Variants in ACVR2B observed in about 807,000 individuals in gnomAD.
ACVR2B encodes the protein activin receptor type-2B.
In ACVR2B, 18 loss-of-function variants were observed where a neutral mutation model predicts 65.1. The ratio of observed to expected loss-of-function variants is 0.28; its 90% CI spans 0.19 to 0.41. ACVR2B has a LOEUF of 0.41. ACVR2B is among the 10% of genes least tolerant of loss of function. The pLI is 1.00. For synonymous variants in ACVR2B, 298 were observed against 277.7 expected, an observed-to-expected ratio of 1.07 and a Z score of -0.73; for missense variants, 482 against 682.7, an observed-to-expected ratio of 0.71 and a Z score of 3.28.
At position 38,478,283 on chromosome 3, in the gene ACVR2B, C is replaced by T; in HGVS notation, c.513C>T (p.Asp171=). 1 of 1,614,118 alleles carries T rather than the reference C, an allele frequency of 6.2e-7. No individual in the cohort carries two copies. The highest frequency in any genetic ancestry group is 1.1e-5 in the South Asian group (1 of 91,066). The change falls in exon 4 of 11, where the codon GAC becomes GAT. Residue 171 remains aspartate (D), a synonymous_variant. Transcript: ENST00000352511. Reference sequence around the variant, plus strand: ...GCAAGCCCCCCTACGGTCATGTGGACATCCATGAGGTGAGACAGTGCTGGC... The same window carrying T: ...GCAAGCCCCCCTACGGTCATGTGGATATCCATGAGGTGAGACAGTGCTGGC... ...RHRKPPYGHV[D]IHEDPGPPPP... is the part of the protein sequence containing the mutation.
chr3:38,459,536 C>G (rs1304157743), intron 1 of ACVR2B: 1 of 970,100 alleles, frequency 1.0e-6, no homozygotes, highest in East Asian at 1.1e-4. Flanking sequence ...CTAGCCCTGT[C>G]TGCCAAGCGG....
chr3:38,467,901 A>C (rs1709759204), intron 1 of ACVR2B, among the ~76,000 whole-genome samples: 1 of 151,898 alleles, frequency 6.6e-6, no homozygotes, highest in Non-Finnish European at 1.5e-5. Flanking sequence ...TTTTTAAGAC[A>C]GGGTCTTGCT....
intron 1 of ACVR2B, among the ~76,000 whole-genome samples, chr3:38,457,004 A>C (rs997566968): frequency 2.0e-5 from 3 of 152,182 alleles, no homozygotes; most frequent in African/African-American, 7.2e-5. Context: ...CAAGAGATCG[A>C]GACCATCCTG....
intron 1 of ACVR2B, chr3:38,454,623 C>T (rs2125710515): frequency 3.0e-6 from 1 of 331,406 alleles, no homozygotes; most frequent in Non-Finnish European, 5.4e-6. Flanking sequence ...CGATGGGGGC[C>T]GGGACGCGGA....
Position 38,481,601 on chromosome 3 carries a change from C to T in ACVR2B, c.1074+136C>T. 8.1e-6 allele frequency: 6 copies of T among 744,794 alleles called. No homozygotes were observed. The highest frequency in any genetic ancestry group is 7.4e-5 in the South Asian group (5 of 67,404). The allele number at this position is 744,794 out of a possible 1,614,324, so 46.1% of individuals were successfully genotyped here. On this transcript the variant is annotated intron_variant, in intron 8 of 10. Transcript: ENST00000352511. The surrounding 1 kb of genome is among the most constrained non-coding windows in gnomAD (Gnocchi z 4.7). ...AGCTGTCTGAGAACTTAGAGCAATG[C>T]TCTTGTTTGACCAGTGGAGAAACCA...
chr3:38,466,495 A>C (rs1709730073), intron 1 of ACVR2B, among the ~76,000 whole-genome samples: 1 of 147,428 alleles, frequency 6.8e-6, no homozygotes, highest in South Asian at 2.2e-4. Flanking sequence ...GTCAATTTTT[A>C]AACCAAAACT....
Position 38,489,615 on chromosome 3 carries a change from C to G in ACVR2B, c.*6283C>G, listed in dbSNP as rs1214518271. The G allele has an allele frequency of 6.6e-6, 1 of 152,586 alleles. No individual in the cohort carries two copies. The highest frequency in any genetic ancestry group is 6.5e-5 in the Admixed American group (1 of 15,274). The allele number at this position is 152,586 out of a possible 1,614,324, so 9.5% of individuals were successfully genotyped here. A position where few individuals can be genotyped will look rare whatever the true frequency, so the allele number is the denominator to read the frequency against. On this transcript the variant is annotated 3_prime_UTR_variant, in exon 11 of 11. Coordinates refer to ENST00000352511, the MANE Select transcript of ACVR2B (RefSeq NM_001106.4). The stretch of plus-strand genomic sequence containing the variant: ...ACATTGGTGCTTCCTCCTGAGATTT[C>G]TGTTGAACAAAGGGTTCTGAGGTCA...
chr3:38,466,495 A>T (rs1709730073), intron 1 of ACVR2B, among the ~76,000 whole-genome samples: 1 of 147,548 alleles, frequency 6.8e-6, no homozygotes, highest in African/African-American at 2.5e-5. Flanking sequence ...GTCAATTTTT[A>T]AACCAAAACT....
chr3:38,457,379 G>T (rs1709568042), intron 1 of ACVR2B, among the ~76,000 whole-genome samples: 1 of 152,144 alleles, frequency 6.6e-6, no homozygotes, highest in South Asian at 2.1e-4. Context: ...CAGAACATTT[G>T]GTTAGTGGCT....
chr3:38,475,486 T>G lies in ACVR2B; in HGVS notation c.53-1801T>G, dbSNP rs79276831. The G allele has an allele frequency of 5.9e-5, 9 of 152,338 alleles. No individual in the cohort carries two copies. In the East Asian group the frequency reaches 1.5e-3, roughly 26 times the overall value. The allele number at this position is 152,338 out of a possible 1,614,324, so 9.4% of individuals were successfully genotyped here. Reference sequence around the variant, plus strand: ...TTGGGTGACATTTCGGACCCTTAGGTGCTACCTGGATCCTTGAGATTCGTT... The same window carrying G: ...TTGGGTGACATTTCGGACCCTTAGGGGCTACCTGGATCCTTGAGATTCGTT... On this transcript the variant is annotated intron_variant, in intron 1 of 10. Transcript: ENST00000352511.
intron 1 of ACVR2B, chr3:38,454,926 G>T (rs905362068): frequency 2.6e-5 from 4 of 152,322 alleles, no homozygotes; most frequent in African/African-American, 9.6e-5. Context: ...GCTCCCACCT[G>T]CTCCCTCTTT....
At chr3:38,462,520 C>T (rs1709665971) in intron 1 of ACVR2B, among the ~76,000 whole-genome samples, 1 of 152,194 alleles carries the variant, frequency 6.6e-6, no homozygotes, top group South Asian at 2.1e-4. Context: ...TTCTGTGCTT[C>T]ATATGAATAG....
chr3:38,454,679 G>C (rs1392239222), intron 1 of ACVR2B: 1 of 271,248 alleles, frequency 3.7e-6, no homozygotes, highest in Non-Finnish European at 6.9e-6. Context: ...GGAACCCAGG[G>C]AAAGAGTGAG....
intron 1 of ACVR2B, among the ~76,000 whole-genome samples, chr3:38,456,210 C>T (rs1019214289): frequency 6.6e-6 from 1 of 152,206 alleles, no homozygotes; most frequent in Non-Finnish European, 1.5e-5. Context: ...GTGGGGGTCA[C>T]TGGGTATTTC....
At position 38,477,692 on chromosome 3, in the gene ACVR2B, C is replaced by T. The variant is rs1445075617; in HGVS notation, c.261-169C>T. ...TGAGGAGGGGTCTCAGTGTCAACCCCTGGCTGTTCTTCCTTGGCTTTGGGT... is the reference window on the plus strand; with the variant it reads ...TGAGGAGGGGTCTCAGTGTCAACCCTTGGCTGTTCTTCCTTGGCTTTGGGT... On this transcript the variant is annotated intron_variant, in intron 2 of 10. Transcript: ENST00000352511. This position sits in a 1 kb window ranked among gnomAD's most constrained non-coding sequence, Gnocchi z 6.7. 1.3e-5 allele frequency among the ~76,000 whole-genome samples: 2 copies of T among 152,184 alleles called. No individual in the cohort carries two copies. The highest frequency in any genetic ancestry group is 2.9e-5 in the Non-Finnish European group (2 of 68,016).
chr3:38,461,049 A>T (rs1419899336), intron 1 of ACVR2B, among the ~76,000 whole-genome samples: 1 of 152,142 alleles, frequency 6.6e-6, no homozygotes, highest in South Asian at 2.1e-4. Flanking sequence ...ACTTGAACCA[A>T]TTAAAACAGG....
rs1709503239 is a variant in ACVR2B, at chr3:38,454,334, C to T, written c.12C>T (p.Pro4=). The T allele has an allele frequency of 3.1e-6, 4 of 1,300,520 alleles. No individual in the cohort carries two copies. Among genetic ancestry groups the T allele is most frequent in the Non-Finnish European group, 3.9e-6 (4 of 1,024,400 alleles). The allele number at this position is 1,300,520 out of a possible 1,614,324, so 80.6% of individuals were successfully genotyped here. ...CGGCGCCGCGGAACATGACGGCGCC[C>T]TGGGTGGCCCTCGCCCTCCTCTGGG... is the stretch of plus-strand genomic sequence containing the variant. MTA[P]WVALALLWGS... is the part of the protein sequence containing the mutation. The change falls in exon 1 of 11, where the codon CCC becomes CCT. Residue 4 remains proline (P), a synonymous_variant. Transcript: ENST00000352511.
Position 38,478,410 on chromosome 3 carries a change from C to T in ACVR2B, c.558C>T (p.Gly186=). 1 of 1,614,148 alleles carries T rather than the reference C, an allele frequency of 6.2e-7. No individual in the cohort carries two copies. Among genetic ancestry groups the T allele is most frequent in the South Asian group, 1.1e-5 (1 of 91,080 alleles). ...PGPPPPSPLV[G]LKPLQLLEIK... ...CTCCACCACCATCCCCTCTGGTGGG[C>T]CTGAAGCCACTGCAGCTGCTGGAGA... Residue 186 remains glycine, a synonymous_variant, in exon 5 of 11, where the codon GGC becomes GGT. Coordinates refer to ENST00000352511, the MANE Select transcript of ACVR2B (RefSeq NM_001106.4).
chr3:38,484,372 C>T lies in ACVR2B; in HGVS notation c.*1040C>T, dbSNP rs1385308018. Reference sequence around the variant, plus strand: ...TTGGAGCAGTTCAGGGAAATGCCCACAGGGGATTGTCCTGCACAGATAGGG... The same window carrying T: ...TTGGAGCAGTTCAGGGAAATGCCCATAGGGGATTGTCCTGCACAGATAGGG... On this transcript the variant is annotated 3_prime_UTR_variant, in exon 11 of 11. Coordinates refer to ENST00000352511, the MANE Select transcript of ACVR2B (RefSeq NM_001106.4). The T allele has an allele frequency of 6.6e-6, 1 of 152,202 alleles. No individual in the cohort carries two copies. The highest frequency in any genetic ancestry group is 2.4e-5 in the African/African-American group (1 of 41,444). 9.4% of individuals were successfully genotyped at this position (152,202 alleles called of 1,614,324 possible).
Sources: allele counts gnomAD v4.1 joint callset (sites outside exome capture counted in the v4.1 genomes callset), GRCh38; gene constraint gnomAD v4.1.1; non-coding constraint Gnocchi (gnomAD v3.1); transcripts MANE v1.5; gene names NCBI Gene and HGNC (gene_info 2026-07-23, HGNC 2026-07-21).